Variants in MIPOL1 observed in about 807,000 individuals in gnomAD.
MIPOL1 encodes the protein mirror-image polydactyly 1, also known as mirror-image polydactyly gene 1 protein.
MIPOL1 carries 57 observed loss-of-function variants against 60.9 expected under a neutral mutation model. The ratio of observed to expected loss-of-function variants is 0.94; its 90% CI spans 0.76 to 1.17. MIPOL1 has a LOEUF of 1.17. Among genes scored for constraint, MIPOL1 ranks in the 50% most tolerant of loss-of-function variants. The probability of loss-of-function intolerance (pLI) is 0.00; values close to 1 mark genes in which losing one functional copy is unlikely to be tolerated. For missense variants in MIPOL1, 551 were observed against 511.6 expected, an observed-to-expected ratio of 1.08 and a Z score of -0.74; for synonymous variants, 179 against 168.8, an observed-to-expected ratio of 1.06 and a Z score of -0.47.
chr14:37,423,080 A>G (rs2093903921), intron 11 of MIPOL1, 131 bp downstream of exon 11: 2 of 583,054 alleles, frequency 3.4e-6, no homozygotes, highest in Admixed American at 3.2e-5. Context: ...CATTTTTATA[A>G]CTAAAAAAGA....
At chr14:37,321,961 A>G (rs999263804) in intron 9 of MIPOL1, among the ~76,000 whole-genome samples, 4 of 152,028 alleles carry the variant, frequency 2.6e-5, no homozygotes, top group African/African-American at 9.6e-5. Flanking sequence ...GAAAATTTGT[A>G]TGAATTTTAC....
intron 9 of MIPOL1, among the ~76,000 whole-genome samples, chr14:37,311,386 A>G (rs994847791): frequency 6.6e-6 from 1 of 152,196 alleles, no homozygotes; most frequent in Non-Finnish European, 1.5e-5. Context: ...TTCATGGTAT[A>G]AAAGGATAAA....
intron 9 of MIPOL1, among the ~76,000 whole-genome samples, chr14:37,346,480 C>CT (rs1480629611): frequency 1.3e-5 from 2 of 152,072 alleles, no homozygotes; most frequent in Non-Finnish European, 2.9e-5. Flanking sequence ...TGTAAAACAG[C>CT]TTTATTATTT....
At chr14:37,499,338 A>C (rs112323821) in intron 11 of MIPOL1, among the ~76,000 whole-genome samples, 2 of 152,214 alleles carry the variant, frequency 1.3e-5, no homozygotes, top group Non-Finnish European at 2.9e-5. Flanking sequence ...AGCCAAAAAA[A>C]AATATACACA....
intron 7 of MIPOL1, among the ~76,000 whole-genome samples, chr14:37,291,760 AT>A (rs1243152868): frequency 2.6e-5 from 4 of 152,096 alleles, no homozygotes; most frequent in African/African-American, 9.7e-5. Context: ...AAGTCATCAC[AT>A]GGTGGAAAGC....
At chr14:37,292,465 C>CTTTTTTTTTTTT (rs34055899) in intron 7 of MIPOL1, among the ~76,000 whole-genome samples, 4 of 63,452 alleles carry the variant, frequency 6.3e-5, no homozygotes, top group Non-Finnish European at 1.1e-4. Flanking sequence ...CCTTAATAAA[C>CTTTTTTTTTTTT]TTTTTTTTTT....
intron 11 of MIPOL1, among the ~76,000 whole-genome samples, chr14:37,492,876 C>T (rs1247053048): frequency 6.6e-6 from 1 of 152,264 alleles, no homozygotes; most frequent in East Asian, 1.9e-4. Context: ...CCGCCACCCC[C>T]ACCAGTTGTG....
chr14:37,451,746 G>C (rs923229029), intron 11 of MIPOL1, among the ~76,000 whole-genome samples: 1 of 149,848 alleles, frequency 6.7e-6, no homozygotes, highest in Non-Finnish European at 1.5e-5. Context: ...CTGCTGAATT[G>C]TATTTGCCAA....
At chr14:37,520,299 T>A (rs2095403794) in intron 12 of MIPOL1, among the ~76,000 whole-genome samples, 1 of 152,182 alleles carries the variant, frequency 6.6e-6, no homozygotes, top group South Asian at 2.1e-4. Flanking sequence ...ATTTGAAATG[T>A]TGACATTAGA....
chr14:37,379,039 C>T (rs924079661), intron 10 of MIPOL1, among the ~76,000 whole-genome samples: 26 of 151,974 alleles, frequency 1.7e-4, no homozygotes, highest in African/African-American at 6.0e-4. Flanking sequence ...ACTTGGATGA[C>T]TCACGGGTCT....
chr14:37,393,404 T>TTGTGTGTG (rs66937049), intron 10 of MIPOL1, among the ~76,000 whole-genome samples: 16 of 117,926 alleles, frequency 1.4e-4, no homozygotes, highest in African/African-American at 4.6e-4. Context: ...TGTTTTGTTT[T>TTGTGTGTG]TGTGTGTGTG....
chr14:37,517,507 AC>A, intron 12 of MIPOL1, among the ~76,000 whole-genome samples: 1 of 152,220 alleles, frequency 6.6e-6, no homozygotes, highest in Non-Finnish European at 1.5e-5. Flanking sequence ...TAACAATAGT[AC>A]ATATGCATTT....
intron 12 of MIPOL1, among the ~76,000 whole-genome samples, chr14:37,520,156 CT>C: frequency 6.6e-6 from 1 of 152,182 alleles, no homozygotes; most frequent in East Asian, 1.9e-4. Context: ...ATTACTTTTA[CT>C]TTGTAGGCCC....
chr14:37,379,544 A>G (rs573597741), intron 10 of MIPOL1, among the ~76,000 whole-genome samples: 9 of 152,236 alleles, frequency 5.9e-5, no homozygotes, highest in African/African-American at 1.9e-4. Flanking sequence ...ATAATGGGAA[A>G]ATTATTTACA....
chr14:37,537,668 C>T (rs2095512314), intron 12 of MIPOL1, among the ~76,000 whole-genome samples: 1 of 152,102 alleles, frequency 6.6e-6, no homozygotes, highest in Admixed American at 6.5e-5. Flanking sequence ...TGATACCAAA[C>T]ACAGCATTGT....
intron 1 of MIPOL1, among the ~76,000 whole-genome samples, chr14:37,223,442 G>A (rs1195894999): frequency 6.6e-6 from 1 of 152,082 alleles, no homozygotes; most frequent in Non-Finnish European, 1.5e-5. Context: ...AGACATATGA[G>A]GAGTTTCAAA....
chr14:37,221,705 T>A (rs895957534), intron 1 of MIPOL1, among the ~76,000 whole-genome samples: 8 of 152,242 alleles, frequency 5.3e-5, no homozygotes, highest in African/African-American at 1.9e-4. Flanking sequence ...GAACAGCAAA[T>A]GGGAAGTCTG....
At chr14:37,454,877 C>A (rs74755800) in intron 11 of MIPOL1, among the ~76,000 whole-genome samples, 2,573 of 152,222 alleles carry the variant, frequency 0.017, 35 homozygotes, top group Non-Finnish European at 0.024. Context: ...AGAAAAAGGG[C>A]AATATCGATT....
intron 12 of MIPOL1, among the ~76,000 whole-genome samples, chr14:37,532,914 C>T (rs966852345): frequency 1.3e-5 from 2 of 151,860 alleles, no homozygotes; most frequent in East Asian, 1.9e-4. Context: ...CCTCTTAATT[C>T]TTCAATCTTT....
Sources: allele counts gnomAD v4.1 joint callset (sites outside exome capture counted in the v4.1 genomes callset), GRCh38; gene constraint gnomAD v4.1.1; transcripts MANE v1.5; gene names NCBI Gene and HGNC (gene_info 2026-07-23, HGNC 2026-07-21).